TSPAN14: variants seen among roughly 807,000 people sequenced by gnomAD.
TSPAN14 encodes the protein tetraspanin 14.
TSPAN14 carries 16 observed loss-of-function variants against 36.6 expected under a neutral mutation model. The observed-to-expected ratio is 0.44, with a 90% confidence interval of 0.30 to 0.66. The LOEUF (loss-of-function observed/expected upper bound fraction) is 0.66, where lower values mean the gene tolerates loss of function less well. Among genes scored for constraint, TSPAN14 ranks in the 30% least tolerant of loss-of-function variants. The pLI, the probability that TSPAN14 is intolerant of heterozygous loss-of-function variation, is 0.12. For synonymous variants in TSPAN14, 139 were observed against 143.8 expected (o/e 0.97, Z 0.24); for missense variants, 231 against 355.1 (o/e 0.65, Z 2.81).
chr10:80,454,391 C>T lies in TSPAN14; in HGVS notation c.-18+20C>T, dbSNP rs906423143. ...GCGCGGGTGAGTAGAGCGCGGAGAC[C>T]TGGCTGGGGCGTCGGGCCCTGCCCC... is the stretch of plus-strand genomic sequence containing the variant. On this transcript the variant is annotated intron_variant, in intron 1 of 8. Transcript: ENST00000429989. 20 of 152,572 alleles carry T rather than the reference C, an allele frequency of 1.3e-4. No individual in the cohort carries two copies. The highest frequency in any genetic ancestry group is 1.2e-3 in the Admixed American group (18 of 15,272). The allele number at this position is 152,572 out of a possible 1,614,324, so 9.5% of individuals were successfully genotyped here.
At chr10:80,516,979 GAGA>G (rs1840972871) in intron 8 of TSPAN14, among the ~76,000 whole-genome samples, 1 of 152,226 alleles carries the variant, frequency 6.6e-6, no homozygotes, top group South Asian at 2.1e-4. Flanking sequence ...TGACTGCTAG[GAGA>G]AGAACTGGCA....
Position 80,509,019 on chromosome 10 carries a change from A to G in TSPAN14, c.280-282A>G, listed in dbSNP as rs1840461338. On this transcript the variant is annotated intron_variant, in intron 4 of 8. Transcript: ENST00000429989. This position sits in a 1 kb window ranked among gnomAD's most constrained non-coding sequence, Gnocchi z 4.7. ...GGCTGCTTCATAGCAAGTGATTGAC[A>G]CATTGGCTTGGAGCTTTCTCACACT... 6.6e-6 allele frequency among the ~76,000 whole-genome samples: 1 copy of G among 152,226 alleles called. No homozygotes were observed. Among genetic ancestry groups the G allele is most frequent in the African/African-American group, 2.4e-5 (1 of 41,466 alleles).
intron 2 of TSPAN14, among the ~76,000 whole-genome samples, chr10:80,492,013 G>A (rs7910643): frequency 0.86 from 130,379 of 152,164 alleles, 56,278 homozygotes; most frequent in East Asian, 0.98. Context: ...AGCTCACGGT[G>A]TAGCAGGAGG....
At chr10:80,474,221 G>A (rs1846724240) in intron 1 of TSPAN14, among the ~76,000 whole-genome samples, 1 of 152,148 alleles carries the variant, frequency 6.6e-6, no homozygotes, top group Non-Finnish European at 1.5e-5. Context: ...CAAAGGCCAG[G>A]TGGTGTTGAA....
intron 1 of TSPAN14, among the ~76,000 whole-genome samples, chr10:80,475,767 A>G (rs551287958): frequency 2.8e-4 from 43 of 152,260 alleles, no homozygotes; most frequent in Middle Eastern, 3.4e-3. Flanking sequence ...TTGTATTTTT[A>G]GTAGAGGCAG....
At chr10:80,501,999 G>T (rs1027536390) in intron 2 of TSPAN14, among the ~76,000 whole-genome samples, 1 of 152,212 alleles carries the variant, frequency 6.6e-6, no homozygotes, top group African/African-American at 2.4e-5. Flanking sequence ...TGTGGTCTGG[G>T]ATCAGTGCCG....
At chr10:80,507,433 G>A in intron 4 of TSPAN14, 59 bp downstream of exon 4, 1 of 1,610,650 alleles carries the variant, frequency 6.2e-7, no homozygotes, top group East Asian at 2.2e-5. Context: ...GCTCTGCTGG[G>A]CAGGATTATA....
At chr10:80,462,307 G>C (rs1030398101) in intron 1 of TSPAN14, among the ~76,000 whole-genome samples, 3 of 142,858 alleles carry the variant, frequency 2.1e-5, no homozygotes, top group Non-Finnish European at 4.6e-5. Context: ...GTCATTAGGA[G>C]GTGTTTATTT....
At chr10:80,491,374 C>T (rs11598179) in intron 2 of TSPAN14, among the ~76,000 whole-genome samples, 3,604 of 152,262 alleles carry the variant, frequency 0.024, 58 homozygotes, top group Non-Finnish European at 0.037. Flanking sequence ...TCCACCATCC[C>T]GCACCCCCAG....
intron 2 of TSPAN14, among the ~76,000 whole-genome samples, chr10:80,496,103 G>A (rs182947663): frequency 9.9e-5 from 15 of 152,166 alleles, no homozygotes; most frequent in East Asian, 7.7e-4. Context: ...TACAATATAC[G>A]TAACAGAACA....
chr10:80,516,083 T>G (rs1840922767), intron 7 of TSPAN14, 121 bp from the exon 8 acceptor site: 1 of 1,493,084 alleles, frequency 6.7e-7, no homozygotes, highest in Non-Finnish European at 9.1e-7. Flanking sequence ...CCTCCTTGCC[T>G]GCCTCCTGGA....
exon 9 of TSPAN14, chr10:80,519,761 G>A (rs1299801835): frequency 2.6e-5 from 4 of 152,064 alleles, no homozygotes; most frequent in Non-Finnish European, 4.4e-5. Flanking sequence ...GGTAAAGGCA[G>A]TCCATCATCA....
chr10:80,508,236 C>A (rs1373770343), intron 4 of TSPAN14, among the ~76,000 whole-genome samples: 4 of 151,874 alleles, frequency 2.6e-5, no homozygotes, highest in Admixed American at 6.6e-5. Flanking sequence ...CTGCCTCAGC[C>A]TCCCGAGTAG....
At chr10:80,477,183 G>A (rs893907360) in intron 1 of TSPAN14, among the ~76,000 whole-genome samples, 2 of 152,154 alleles carry the variant, frequency 1.3e-5, no homozygotes, top group Non-Finnish European at 2.9e-5. Context: ...CTGCTTTTAA[G>A]GGCTCATGTA....
At chr10:80,488,228 G>A (rs1471096522) in intron 1 of TSPAN14, among the ~76,000 whole-genome samples, 10 of 152,190 alleles carry the variant, frequency 6.6e-5, no homozygotes, top group African/African-American at 2.4e-4. Flanking sequence ...CTTCCCCACT[G>A]TTCAGCCACT....
At chr10:80,479,025 C>T (rs184384211) in intron 1 of TSPAN14, among the ~76,000 whole-genome samples, 2 of 152,044 alleles carry the variant, frequency 1.3e-5, no homozygotes, top group Non-Finnish European at 2.9e-5. Context: ...TTTTGATTTG[C>T]ATTTCTCTGA....
At chr10:80,517,769 CTG>C in intron 8 of TSPAN14, 134 bp from the exon 9 acceptor site, 1 of 815,128 alleles carries the variant, frequency 1.2e-6, no homozygotes. Context: ...CTCTGCGGTG[CTG>C]TCTCTACGTC....
chr10:80,498,484 C>T (rs184821339), intron 2 of TSPAN14, among the ~76,000 whole-genome samples: 112 of 152,268 alleles, frequency 7.4e-4, no homozygotes, highest in South Asian at 3.9e-3. Flanking sequence ...GAAAAGCCTC[C>T]AGAAGGCCGT....
intron 1 of TSPAN14, among the ~76,000 whole-genome samples, chr10:80,472,723 T>C (rs956917705): frequency 6.6e-6 from 1 of 152,238 alleles, no homozygotes. Context: ...TCCTGTTTAT[T>C]TATCTCTGTG....
Sources: allele counts gnomAD v4.1 joint callset (sites outside exome capture counted in the v4.1 genomes callset), GRCh38; gene constraint gnomAD v4.1.1; non-coding constraint Gnocchi (gnomAD v3.1); transcripts MANE v1.5; gene names NCBI Gene and HGNC (gene_info 2026-07-23, HGNC 2026-07-21).